Variants in SCGB1A1 observed in about 807,000 individuals in gnomAD.
SCGB1A1 encodes secretoglobin family 1A member 1, also known as uteroglobin.
A neutral mutation model predicts 7.5 loss-of-function variants in SCGB1A1; 8 were observed. That is an observed-to-expected ratio of 1.07 (90% confidence interval 0.63 to 1.92). The LOEUF is 1.92. Ranked by LOEUF, SCGB1A1 falls within the 30% of genes most tolerant of loss-of-function variation. The probability of loss-of-function intolerance (pLI) is 0.00; values close to 1 mark genes in which losing one functional copy is unlikely to be tolerated. For synonymous variants in SCGB1A1, 44 were observed against 40.8 expected (o/e 1.08, Z -0.30); for missense variants, 121 against 112.7 (o/e 1.07, Z -0.33).
chr11:62,422,078 T>G, intron 1 of SCGB1A1, 143 bp from the exon 2 acceptor site: 1 of 587,254 alleles, frequency 1.7e-6, no homozygotes, highest in South Asian at 3.4e-5. Context: ...AATCCACAAA[T>G]CTTACACTCT....
At chr11:62,421,260 T>C (rs1937782082) in intron 1 of SCGB1A1, among the ~76,000 whole-genome samples, 1 of 152,104 alleles carries the variant, frequency 6.6e-6, no homozygotes, top group Admixed American at 6.5e-5. Flanking sequence ...AATGGTGACT[T>C]TCCCCCATGT....
chr11:62,422,124 T>A, intron 1 of SCGB1A1, 97 bp from the exon 2 acceptor site: 1 of 957,452 alleles, frequency 1.0e-6, no homozygotes, highest in Non-Finnish European at 1.5e-6. Flanking sequence ...CTCTCGCTGA[T>A]GGGCCTGGCT....
intron 1 of SCGB1A1, among the ~76,000 whole-genome samples, chr11:62,420,623 TTAC>T (rs1383418926): frequency 6.7e-6 from 1 of 148,446 alleles, no homozygotes; most frequent in Non-Finnish European, 1.5e-5. Flanking sequence ...CTTTTTATTC[TTAC>T]AACAACCCTA....
Position 62,422,347 on chromosome 11 carries a change from A to G in SCGB1A1, c.182A>G (p.Gln61Arg), listed in dbSNP as rs1240300015. 2 of 1,614,038 alleles carry G rather than the reference A, an allele frequency of 1.2e-6. No homozygotes were observed. Among genetic ancestry groups the G allele is most frequent in the Non-Finnish European group, 1.7e-6 (2 of 1,179,998 alleles). Reference sequence around the variant, plus strand: ...CAAGACATGAGGGAGGCAGGGGCTCAGCTGAAGAAGCTGGTGGACACCCTC... The same window carrying G: ...CAAGACATGAGGGAGGCAGGGGCTCGGCTGAAGAAGCTGGTGGACACCCTC... ...PDQDMREAGA[Q>R]LKKLVDTLPQ... The change falls in exon 2 of 3, where the codon CAG (glutamine) becomes CGG (arginine). Residue 61 changes from glutamine (Q) to arginine (R), a missense_variant. Gln to Arg is a conservative substitution (Grantham distance 43). Coordinates refer to ENST00000278282, the MANE Select transcript of SCGB1A1 (RefSeq NM_003357.5).
At position 62,423,057 on chromosome 11, in the gene SCGB1A1, A is replaced by G. The variant is rs770789461; in HGVS notation, c.244-2A>G. The G allele has an allele frequency of 3.1e-6, 5 of 1,613,560 alleles. No homozygotes were observed. The highest frequency in any genetic ancestry group is 4.2e-6 in the Non-Finnish European group (5 of 1,179,718). ...TTCTGTTTCTTTGTCTATTTGTTTT[A>G]GGAAAAAATAGCCCAAAGCTCACTG... On this transcript the variant is annotated splice_acceptor_variant, in intron 2 of 2. Coordinates refer to ENST00000278282, the MANE Select transcript of SCGB1A1 (RefSeq NM_003357.5). LOFTEE classifies it high-confidence loss of function.
chr11:62,422,049 G>A (rs1430116446), intron 1 of SCGB1A1, 172 bp from the exon 2 acceptor site: 1 of 489,852 alleles, frequency 2.0e-6, no homozygotes, highest in Non-Finnish European at 3.6e-6. Flanking sequence ...AACCCAAGAA[G>A]TCTAAGGAAG....
At chr11:62,419,811 G>A (rs1441697023) in intron 1 of SCGB1A1, among the ~76,000 whole-genome samples, 1 of 152,176 alleles carries the variant, frequency 6.6e-6, no homozygotes, top group Non-Finnish European at 1.5e-5. Flanking sequence ...GAGAGACGGA[G>A]AGAGGGGGAG....
rs1336883253 is a variant in SCGB1A1, at chr11:62,422,314, G to C, written c.149G>C (p.Ser50Thr). The part of the protein sequence containing the change: ...SSYEAAMELF[S>T]PDQDMREAGA... ...TATGAGGCTGCCATGGAACTTTTCAGCCCTGATCAAGACATGAGGGAGGCA... is the reference window on the plus strand; with the variant it reads ...TATGAGGCTGCCATGGAACTTTTCACCCCTGATCAAGACATGAGGGAGGCA... The change falls in exon 2 of 3, where the codon AGC (serine) becomes ACC (threonine). Residue 50 changes from serine (S) to threonine (T), a missense_variant. By Grantham distance (58) the Ser-to-Thr change is moderately conservative (BLOSUM62 1). Coordinates refer to ENST00000278282, the MANE Select transcript of SCGB1A1 (RefSeq NM_003357.5). The C allele has an allele frequency of 3.7e-6, 6 of 1,614,020 alleles. No individual in the cohort carries two copies. The East Asian group carries it at 1.1e-4, about 30-fold the overall frequency.
intron 1 of SCGB1A1, among the ~76,000 whole-genome samples, chr11:62,421,152 A>G (rs979329249): frequency 1.3e-5 from 2 of 151,584 alleles, no homozygotes; most frequent in Admixed American, 1.3e-4. Flanking sequence ...GAGGCCCTAG[A>G]GTCAGAGGAG....
chr11:62,420,090 C>T (rs1263506831), intron 1 of SCGB1A1, among the ~76,000 whole-genome samples: 1 of 152,092 alleles, frequency 6.6e-6, no homozygotes, highest in Admixed American at 6.6e-5. Context: ...ATTTGTTTTT[C>T]AGAGAAAATG....
chr11:62,419,797 G>A (rs12270961), intron 1 of SCGB1A1, among the ~76,000 whole-genome samples: 31,206 of 151,948 alleles, frequency 0.21, 3,255 homozygotes, highest in South Asian at 0.35. Context: ...AAGAGGGGCA[G>A]AAAGAGAGAC....
chr11:62,422,658 T>G (rs780967667), intron 2 of SCGB1A1, among the ~76,000 whole-genome samples: 2 of 137,578 alleles, frequency 1.5e-5, no homozygotes, highest in Non-Finnish European at 3.1e-5. Flanking sequence ...TACTGCAACC[T>G]CCACCTCCCA....
At chr11:62,421,062 A>T (rs1184163556) in intron 1 of SCGB1A1, among the ~76,000 whole-genome samples, 1 of 152,198 alleles carries the variant, frequency 6.6e-6, no homozygotes, top group Admixed American at 6.6e-5. Flanking sequence ...ACACAGAGTG[A>T]CTTGCCTGGT....
chr11:62,420,343 C>G (rs984854454), intron 1 of SCGB1A1, among the ~76,000 whole-genome samples: 13 of 138,844 alleles, frequency 9.4e-5, no homozygotes, highest in Non-Finnish European at 1.7e-4. Context: ...GAGACAGAGT[C>G]TCGCTCTGTT....
chr11:62,421,931 G>T, intron 1 of SCGB1A1: 1 of 220,728 alleles, frequency 4.5e-6, no homozygotes, highest in Non-Finnish European at 8.9e-6. Flanking sequence ...ACCCTCAGTG[G>T]CCTCTTCCCA....
chr11:62,421,466 C>CTTTTCTTTTCTTTTCTTCT (rs1937788573), intron 1 of SCGB1A1, among the ~76,000 whole-genome samples: 1 of 149,600 alleles, frequency 6.7e-6, no homozygotes, highest in Admixed American at 6.8e-5. Flanking sequence ...CTTTTCTTTT[C>CTTTTCTTTTCTTTTCTTCT]TTTTCTTTTC....
At chr11:62,421,453 C>CTTCTTTTCTT (rs10590375) in intron 1 of SCGB1A1, among the ~76,000 whole-genome samples, 1 of 149,154 alleles carries the variant, frequency 6.7e-6, no homozygotes, top group Non-Finnish European at 1.5e-5. Context: ...ATCTCAATGG[C>CTTCTTTTCTT]TTCTTTTCTT....
At chr11:62,421,803 G>A (rs41338346) in intron 1 of SCGB1A1, 55 of 153,000 alleles carry the variant, frequency 3.6e-4, no homozygotes, top group Non-Finnish European at 7.0e-4. Context: ...GAGCCACCGT[G>A]CCTGGCTTAC....
At chr11:62,421,947 C>T (rs1265190649) in intron 1 of SCGB1A1, 11 of 252,256 alleles carry the variant, frequency 4.4e-5, no homozygotes, top group Non-Finnish European at 8.3e-5. Context: ...TCCCAGCCTC[C>T]ACACTGCATT....
Sources: allele counts gnomAD v4.1 joint callset (sites outside exome capture counted in the v4.1 genomes callset), GRCh38; gene constraint gnomAD v4.1.1; transcripts MANE v1.5; gene names NCBI Gene and HGNC (gene_info 2026-07-23, HGNC 2026-07-21).